The following AKAP6 variants were observed in gnomAD, a reference collection of about 807,000 sequenced individuals.
AKAP6 encodes the protein A-kinase anchor protein 6.
Under a neutral mutation model 188.5 loss-of-function variants are expected in AKAP6, and 58 were observed. The observed-to-expected ratio is 0.31, with a 90% confidence interval of 0.25 to 0.38. AKAP6 has a LOEUF of 0.38. Ranked by LOEUF, AKAP6 falls within the 10% of genes least tolerant of loss-of-function variation. The pLI, the probability that AKAP6 is intolerant of heterozygous loss-of-function variation, is 1.00. For synonymous variants in AKAP6, 989 were observed against 998.6 expected (o/e 0.99, Z 0.18); for missense variants, 2,710 against 2,740.0 (o/e 0.99, Z 0.24).
At chr14:32,665,809 A>G (rs1482139150) in intron 7 of AKAP6, among the ~76,000 whole-genome samples, 1 of 152,180 alleles carries the variant, frequency 6.6e-6, no homozygotes, top group Admixed American at 6.6e-5. Context: ...GATGAAAACC[A>G]GTATATATCA....
chr14:32,744,735 A>G (rs1229629538), intron 11 of AKAP6, among the ~76,000 whole-genome samples: 5 of 152,258 alleles, frequency 3.3e-5, no homozygotes, highest in African/African-American at 7.2e-5. Flanking sequence ...CTTTAAGGCC[A>G]ATAACTCTTA....
At chr14:32,706,701 C>G (rs1890824866) in intron 9 of AKAP6, among the ~76,000 whole-genome samples, 1 of 152,046 alleles carries the variant, frequency 6.6e-6, no homozygotes, top group African/African-American at 2.4e-5. Context: ...TTAAACTAAG[C>G]ACTTCTGTGA....
chr14:32,795,599 G>C lies in AKAP6; in HGVS notation c.3588+21706G>C, dbSNP rs144705178. Reference sequence around the variant, plus strand: ...TTGATAAAATCCAGTATCCCTTCATGTTAAAAACTGTCAATAAACTAGGTA... The same window carrying C: ...TTGATAAAATCCAGTATCCCTTCATCTTAAAAACTGTCAATAAACTAGGTA... On this transcript the variant is annotated intron_variant, in intron 12 of 13. Transcript: ENST00000280979. 1.1e-3 allele frequency among the ~76,000 whole-genome samples: 166 copies of C among 152,254 alleles called. 3 individuals are homozygous for C. Among genetic ancestry groups the C allele is most frequent in the South Asian group, 4.1e-3 (20 of 4,824 alleles).
chr14:32,557,057 T>G (rs1283822076), intron 4 of AKAP6, among the ~76,000 whole-genome samples: 1 of 152,132 alleles, frequency 6.6e-6, no homozygotes, highest in Non-Finnish European at 1.5e-5. Context: ...AAAAAAATAC[T>G]TTTGAGAGCC....
intron 2 of AKAP6, among the ~76,000 whole-genome samples, chr14:32,470,703 ATAAT>A (rs1216483123): frequency 6.6e-6 from 1 of 152,250 alleles, no homozygotes; most frequent in African/African-American, 2.4e-5. Flanking sequence ...GTAGGCTTAA[ATAAT>A]TCCTGACAAT....
chr14:32,638,267 A>G (rs1887601035), intron 7 of AKAP6, among the ~76,000 whole-genome samples: 1 of 152,110 alleles, frequency 6.6e-6, no homozygotes, highest in Non-Finnish European at 1.5e-5. Flanking sequence ...AAGACCGGCA[A>G]GGATGAGAGG....
At chr14:32,555,750 A>G (rs774457456) in intron 4 of AKAP6, among the ~76,000 whole-genome samples, 1 of 152,162 alleles carries the variant, frequency 6.6e-6, no homozygotes, top group Non-Finnish European at 1.5e-5. Context: ...AGGTTCATCC[A>G]TGTTGTAGCA....
At chr14:32,428,885 A>G (rs1434918976) in intron 1 of AKAP6, among the ~76,000 whole-genome samples, 1 of 152,254 alleles carries the variant, frequency 6.6e-6, no homozygotes, top group Non-Finnish European at 1.5e-5. Context: ...AATTTAAAAA[A>G]AAGCCTTAAA....
intron 2 of AKAP6, among the ~76,000 whole-genome samples, chr14:32,467,863 T>C (rs555958038): frequency 2.0e-5 from 3 of 152,206 alleles, no homozygotes; most frequent in African/African-American, 7.2e-5. Flanking sequence ...TGCCATTACA[T>C]GTTAAATTTT....
At chr14:32,646,406 T>G (rs898996964) in intron 7 of AKAP6, among the ~76,000 whole-genome samples, 1 of 152,092 alleles carries the variant, frequency 6.6e-6, no homozygotes, top group Admixed American at 6.6e-5. Context: ...GATTCTGAGT[T>G]TAGGCTAAGC....
chr14:32,502,713 G>C (rs368112906), intron 2 of AKAP6, among the ~76,000 whole-genome samples: 1 of 152,072 alleles, frequency 6.6e-6, no homozygotes, highest in African/African-American at 2.4e-5. Flanking sequence ...TATACATACT[G>C]TTCTGCACCT....
At chr14:32,769,037 A>ATTTTTTTTTTGTTTTTTTTTTTT (rs2032808065) in intron 11 of AKAP6, among the ~76,000 whole-genome samples, 1 of 56,926 alleles carries the variant, frequency 1.8e-5, no homozygotes, top group African/African-American at 7.1e-5. Flanking sequence ...TGCTCTTTTG[A>ATTTTTTTTTTGTTTTTTTTTTTT]TTTTTTTTTT....
At chr14:32,334,974 AG>A (rs1476266256) in intron 1 of AKAP6, among the ~76,000 whole-genome samples, 1 of 152,088 alleles carries the variant, frequency 6.6e-6, no homozygotes, top group Non-Finnish European at 1.5e-5. Flanking sequence ...TTTTGGAGAC[AG>A]GGTTTTACTC....
intron 11 of AKAP6, among the ~76,000 whole-genome samples, chr14:32,764,487 A>G (rs552812372): frequency 2.0e-5 from 3 of 152,306 alleles, no homozygotes; most frequent in South Asian, 4.1e-4. Context: ...CAGGGACAAG[A>G]TTGTCTGAAA....
rs560973704 is a variant in AKAP6, at chr14:32,437,444, A to T, written c.324+3627A>T. ...ATGTCAATACATAACTTTTTAAAAA[A>T]CGTAGTTGGAAAATGCTTTTGAAAA... On this transcript the variant is annotated intron_variant, in intron 2 of 13. Transcript: ENST00000280979. 2.2e-3 allele frequency among the ~76,000 whole-genome samples: 342 copies of T among 152,292 alleles called. 1 individual carries two copies. The highest frequency in any genetic ancestry group is 5.0e-3 in the South Asian group (24 of 4,824).
chr14:32,745,598 G>C (rs893835972), intron 11 of AKAP6, among the ~76,000 whole-genome samples: 5 of 151,646 alleles, frequency 3.3e-5, no homozygotes, highest in African/African-American at 1.2e-4. Flanking sequence ...CCACCACTAT[G>C]ACTGTGCTGG....
intron 2 of AKAP6, among the ~76,000 whole-genome samples, chr14:32,454,626 T>TCCGA (rs1409258186): frequency 3.4e-4 from 49 of 144,108 alleles, no homozygotes; most frequent in South Asian, 1.1e-3. Context: ...TGACCTTCCT[T>TCCGA]CCTTCCTTCC....
intron 11 of AKAP6, 58 bp from the exon 12 acceptor site, chr14:32,773,620 T>C: frequency 6.8e-7 from 1 of 1,466,684 alleles, no homozygotes; most frequent in South Asian, 1.3e-5. Context: ...AGGTGTTTCA[T>C]GTTTTAGGGA....
intron 7 of AKAP6, among the ~76,000 whole-genome samples, chr14:32,671,738 T>C (rs1889205376): frequency 6.6e-6 from 1 of 151,952 alleles, no homozygotes; most frequent in African/African-American, 2.4e-5. Flanking sequence ...TAGGCAGTAG[T>C]AGAGGTGGTG....
Sources: gnomAD v4.1 joint callset for allele counts (sites outside exome capture counted in the v4.1 genomes callset) on GRCh38, gnomAD v4.1.1 for gene constraint, MANE v1.5 for transcripts, NCBI Gene and HGNC (gene_info 2026-07-23, HGNC 2026-07-21) for gene names.